MYH10: variants seen among roughly 807,000 people sequenced by gnomAD.
MYH10 encodes myosin-10.
MYH10 carries 55 observed loss-of-function variants against 257.8 expected under a neutral mutation model. That is an observed-to-expected ratio of 0.21 (90% CI 0.17 to 0.27). The LOEUF (loss-of-function observed/expected upper bound fraction) is 0.27, where lower values mean the gene tolerates loss of function less well. Ranked by LOEUF, MYH10 falls within the 10% of genes least tolerant of loss-of-function variation. MYH10 has a pLI of 1.00. For missense variants in MYH10, 1,631 were observed against 2,500.6 expected, an observed-to-expected ratio of 0.65 and a Z score of 7.42; for synonymous variants, 854 against 921.7, an observed-to-expected ratio of 0.93 and a Z score of 1.33.
rs1331559528 is a variant in MYH10 at position 8,477,150 on chromosome 17, TGTGAGCACGC to T, written c.5707-112_5707-103del. 1 of 1,360,438 alleles carries T rather than the reference TGTGAGCACGC, an allele frequency of 7.4e-7. No homozygotes were observed. The highest frequency in any genetic ancestry group is 2.3e-5 in the East Asian group (1 of 43,318). 84.3% of individuals were successfully genotyped at this position (1,360,438 alleles called of 1,614,324 possible). On this transcript the variant is annotated intron_variant, in intron 41 of 42. Coordinates refer to ENST00000360416, the MANE Select transcript of MYH10 (RefSeq NM_001256012.3). The surrounding 1 kb of genome is among the most constrained non-coding windows in gnomAD (Gnocchi z 4.2). ...AGTGTGGGGCTCTGCCTGTTACCCT[TGTGAGCACGC>T]GTGTACACGGATGTACACGCGTGCC...
At chr17:8,596,941 G>C (rs2084392599) in intron 3 of MYH10, among the ~76,000 whole-genome samples, 1 of 152,074 alleles carries the variant, frequency 6.6e-6, no homozygotes. Context: ...GATTACGTAA[G>C]GGCAAAGGCA....
At chr17:8,629,464 G>A (rs978598652) in intron 1 of MYH10, among the ~76,000 whole-genome samples, 3 of 150,944 alleles carry the variant, frequency 2.0e-5, no homozygotes, top group Admixed American at 1.3e-4. Flanking sequence ...TCACCAGCCC[G>A]GTCTGACCCG....
chr17:8,565,988 T>G (rs1415866778), intron 7 of MYH10, among the ~76,000 whole-genome samples: 2 of 152,182 alleles, frequency 1.3e-5, no homozygotes, highest in Non-Finnish European at 2.9e-5. Flanking sequence ...TTTCTCGATC[T>G]TAGCATAACT....
chr17:8,531,556 CT>C (rs11420469), intron 16 of MYH10, among the ~76,000 whole-genome samples: 75 of 143,744 alleles, frequency 5.2e-4, no homozygotes, highest in African/African-American at 5.6e-4. Flanking sequence ...TTTTCTTTTT[CT>C]TTTTTTTTTT....
Position 8,478,340 on chromosome 17 carries a change from G to C in MYH10, c.5704C>G (p.Gln1902Glu), listed in dbSNP as rs1475444692. Residue 1902 changes from glutamine to glutamate, a missense_variant and splice_region_variant, in exon 41 of 43, where the codon CAG becomes GAG. Around this residue, in one of 11 missense-constraint regions of MYH10, gnomAD observed 343 missense variants for 389.5 expected, o/e 0.88. Coordinates refer to ENST00000360416, the MANE Select transcript of MYH10 (RefSeq NM_001256012.3). ...ERRHADQYKE[Q>E]MEKANARMKQ... ...CAGGGAGGCACTTCCTCGCGTACCT[G>C]CTCTTTATACTGGTCCGCGTGTCGA... 6.2e-7 allele frequency: 1 copy of C among 1,613,776 alleles called. No homozygotes were observed. Among genetic ancestry groups the C allele is most frequent in the Non-Finnish European group, 8.5e-7 (1 of 1,179,708 alleles).
intron 1 of MYH10, among the ~76,000 whole-genome samples, chr17:8,630,225 C>T (rs1568007081): frequency 6.6e-6 from 1 of 151,700 alleles, no homozygotes; most frequent in Non-Finnish European, 1.5e-5. Flanking sequence ...CCGAGACCTC[C>T]GCCGGGACAC....
chr17:8,498,183 G>A (rs1297330426), intron 30 of MYH10, among the ~76,000 whole-genome samples: 3 of 151,674 alleles, frequency 2.0e-5, no homozygotes, highest in African/African-American at 7.3e-5. Flanking sequence ...ACAGGGTTTC[G>A]CCATGTTGGC....
At chr17:8,512,207 A>G (rs768175856) in intron 24 of MYH10, among the ~76,000 whole-genome samples, 1 of 152,222 alleles carries the variant, frequency 6.6e-6, no homozygotes, top group Non-Finnish European at 1.5e-5. Context: ...ATCTCTTTGC[A>G]AACTGTAAGA....
chr17:8,493,693 C>T, intron 32 of MYH10, 40 bp downstream of exon 32: 1 of 1,575,208 alleles, frequency 6.3e-7, no homozygotes. Flanking sequence ...GCTGAAGGCA[C>T]ACATCGAGGC....
At chr17:8,582,319 A>T (rs1481715351) in intron 4 of MYH10, among the ~76,000 whole-genome samples, 1 of 152,212 alleles carries the variant, frequency 6.6e-6, no homozygotes, top group Non-Finnish European at 1.5e-5. Flanking sequence ...TCCTCAGAAA[A>T]GTGAACAACA....
chr17:8,499,225 A>G (rs1038266473), intron 30 of MYH10, 45 bp downstream of exon 30: 2 of 1,572,874 alleles, frequency 1.3e-6, no homozygotes, highest in Non-Finnish European at 1.7e-6. Flanking sequence ...TAAATTAGGG[A>G]CATGCTACAG....
chr17:8,621,460 C>A (rs536213083), intron 2 of MYH10, among the ~76,000 whole-genome samples: 152 of 152,228 alleles, frequency 1.0e-3, no homozygotes, highest in African/African-American at 3.6e-3. Context: ...AAGCCCCCCA[C>A]ACTCACAGAC....
chr17:8,487,650 A>G, intron 35 of MYH10, 56 bp from the exon 36 acceptor site: 1 of 1,604,264 alleles, frequency 6.2e-7, no homozygotes, highest in Non-Finnish European at 8.5e-7. Flanking sequence ...CTCGCAGAAC[A>G]GGCAGACTGT....
Position 8,484,246 on chromosome 17 carries a change from T to A in MYH10, c.5067A>T (p.Gln1689His). 1.9e-6 allele frequency: 3 copies of A among 1,612,676 alleles called. No individual in the cohort carries two copies. The highest frequency in any genetic ancestry group is 2.5e-6 in the Non-Finnish European group (3 of 1,179,534). The change falls in exon 37 of 43, where the codon CAA becomes CAT. Residue 1689 changes from glutamine (Q) to histidine (H), a missense_variant. By Grantham distance (24) the Gln-to-His change is conservative. Transcript: ENST00000360416. ...RKLQAQMKDY[Q>H]RELEEARASR... The stretch of plus-strand genomic sequence containing the variant: ...ATGCACGAGCTTCTTCTAATTCACG[T>A]TGGTAATCCTTCATCTGAGCCTAAG...
chr17:8,579,795 CTGT>C (rs1182578212), intron 4 of MYH10, among the ~76,000 whole-genome samples: 1 of 152,160 alleles, frequency 6.6e-6, no homozygotes, highest in Non-Finnish European at 1.5e-5. Flanking sequence ...TTAAATCCAT[CTGT>C]TGTTTTCTTT....
chr17:8,609,354 G>A (rs932686079), intron 2 of MYH10, among the ~76,000 whole-genome samples: 3 of 151,054 alleles, frequency 2.0e-5, no homozygotes, highest in Middle Eastern at 3.4e-3. Flanking sequence ...CATCGAGAAG[G>A]AAAGGGAGGA....
Position 8,604,949 on chromosome 17 carries a change from G to C in MYH10, c.379C>G (p.Pro127Ala). 1 of 1,561,880 alleles carries C rather than the reference G, an allele frequency of 6.4e-7. No individual in the cohort carries two copies. The highest frequency in any genetic ancestry group is 8.8e-7 in the Non-Finnish European group (1 of 1,138,084). Residue 127 changes from proline (P) to alanine (A), a missense_variant, in exon 3 of 43, where the codon CCT (proline) becomes GCT (alanine). Pro to Ala is a conservative substitution (Grantham distance 27). Coordinates refer to ENST00000360416, the MANE Select transcript of MYH10 (RefSeq NM_001256012.3). ...YSGLFCVVIN[P>A]YKNLPIYSEN... ...GAGTAAATTGGAAGATTCTTGTAAG[G>C]GTTTATAACTACACAGAAGAGTCCA...
At chr17:8,516,107 A>G (rs944028722) in intron 21 of MYH10, among the ~76,000 whole-genome samples, 2 of 152,188 alleles carry the variant, frequency 1.3e-5, no homozygotes, top group Non-Finnish European at 2.9e-5. Flanking sequence ...CCTTCTCCGC[A>G]GTGGTCGGCT....
chr17:8,573,076 A>G (rs912367378), intron 6 of MYH10, among the ~76,000 whole-genome samples: 1 of 152,234 alleles, frequency 6.6e-6, no homozygotes, highest in African/African-American at 2.4e-5. Flanking sequence ...TAGCTATTGA[A>G]ATGATTTTTA....
Sources: gnomAD v4.1 joint callset for allele counts (sites outside exome capture counted in the v4.1 genomes callset) on GRCh38, gnomAD v4.1.1 for gene constraint, gnomAD v4.1.1 regional missense constraint, Gnocchi (gnomAD v3.1) non-coding constraint, MANE v1.5 for transcripts, NCBI Gene and HGNC (gene_info 2026-07-23, HGNC 2026-07-21) for gene names.